Variants in DNA2 observed in about 807,000 individuals in gnomAD.
DNA2 encodes DNA replication ATP-dependent helicase/nuclease DNA2.
A neutral mutation model predicts 119.1 loss-of-function variants in DNA2; 101 were observed. The ratio of observed to expected loss-of-function variants is 0.85; its 90% CI spans 0.72 to 1.00. The LOEUF is 1.00. Ranked by LOEUF, DNA2 falls within the 50% of genes least tolerant of loss-of-function variation. DNA2 has a pLI of 0.00. For synonymous variants in DNA2, 366 were observed against 424.4 expected (o/e 0.86, Z 1.69); for missense variants, 1,121 against 1,255.5 (o/e 0.89, Z 1.62).
intron 5 of DNA2, among the ~76,000 whole-genome samples, chr10:68,457,070 G>C (rs1370695643): frequency 3.3e-5 from 5 of 151,156 alleles, no homozygotes; most frequent in African/African-American, 1.2e-4. Flanking sequence ...GGAGGCGGAG[G>C]TTGCAGTGAG....
chr10:68,468,364 G>C, intron 2 of DNA2, 58 bp from the exon 3 acceptor site: 2 of 1,125,320 alleles, frequency 1.8e-6, no homozygotes, highest in Non-Finnish European at 2.3e-6. Context: ...ACATGTAAAC[G>C]TATTAGGGAG....
At chr10:68,464,288 G>A (rs902653396) in intron 4 of DNA2, among the ~76,000 whole-genome samples, 1 of 151,900 alleles carries the variant, frequency 6.6e-6, no homozygotes, top group Non-Finnish European at 1.5e-5. Flanking sequence ...CAAGGTGGGT[G>A]GATCACTTGA....
intron 6 of DNA2, among the ~76,000 whole-genome samples, chr10:68,447,978 T>A (rs572227053): frequency 2.4e-3 from 93 of 38,420 alleles, no homozygotes; most frequent in African/African-American, 0.011. Flanking sequence ...TGAGACTCCG[T>A]CTCAAAAAAA....
chr10:68,450,556 T>A (rs1307157890), intron 5 of DNA2, among the ~76,000 whole-genome samples: 1 of 152,168 alleles, frequency 6.6e-6, no homozygotes, highest in African/African-American at 2.4e-5. Flanking sequence ...AGAACCACTG[T>A]TCTACGGGCT....
At chr10:68,418,269 C>T (rs2051617630) in intron 19 of DNA2, among the ~76,000 whole-genome samples, 1 of 151,838 alleles carries the variant, frequency 6.6e-6, no homozygotes, top group African/African-American at 2.4e-5. Flanking sequence ...AAAAATTAGC[C>T]GGGCAAGATG....
At position 68,471,734 on chromosome 10, in the gene DNA2, C is replaced by T; in HGVS notation, c.74+57G>A. On this transcript the variant is annotated intron_variant, in intron 1 of 20. Transcript: ENST00000358410. ...GAGGCGGTGCGGACGCAGCCTCTCC[C>T]GCTCCTTCTTTCAAATCTCCCGCTT... is the stretch of plus-strand genomic sequence containing the variant. The T allele has an allele frequency of 4.0e-6, 6 of 1,503,156 alleles. No individual in the cohort carries two copies. The South Asian group carries it at 4.1e-5, about 10-fold the overall frequency. The allele number at this position is 1,503,156 out of a possible 1,614,324, so 93.1% of individuals were successfully genotyped here. A position where few individuals can be genotyped will look rare whatever the true frequency, so the allele number is the denominator to read the frequency against.
intron 3 of DNA2, among the ~76,000 whole-genome samples, 159 bp from the exon 4 acceptor site, chr10:68,465,971 A>G (rs2052322243): frequency 6.6e-6 from 1 of 152,108 alleles, no homozygotes. Flanking sequence ...ATTATAAGTG[A>G]CTTTCACTTT....
intron 17 of DNA2, 96 bp from the exon 18 acceptor site, chr10:68,419,988 A>G: frequency 1.1e-6 from 1 of 910,590 alleles, no homozygotes; most frequent in East Asian, 2.5e-5. Context: ...CGACTTGGAG[A>G]TGAAAAATAG....
chr10:68,451,955 T>A (rs1047650449), intron 5 of DNA2, among the ~76,000 whole-genome samples: 1 of 150,286 alleles, frequency 6.7e-6, no homozygotes, highest in Non-Finnish European at 1.5e-5. Flanking sequence ...TCTTAAATAA[T>A]TTTTTATAAA....
Position 68,435,458 on chromosome 10 carries a change from T to C in DNA2, c.1646+1553A>G, listed in dbSNP as rs569818254. ...ATTAATAGTAGAATATACATACACA[T>C]ATATATATATATTTTTAGACAGAGT... On this transcript the variant is annotated intron_variant, in intron 10 of 20. Coordinates refer to ENST00000358410, the MANE Select transcript of DNA2 (RefSeq NM_001080449.3). Among the ~76,000 whole-genome samples, 143 of 135,024 alleles carry C rather than the reference T, an allele frequency of 1.1e-3. 1 individual carries two copies. Among genetic ancestry groups the C allele is most frequent in the Non-Finnish European group, 1.8e-3 (110 of 62,236 alleles). The allele number at this position is 135,024 out of a possible 152,430, so 88.6% of individuals were successfully genotyped here.
chr10:68,469,707 C>G (rs531252324), intron 2 of DNA2, among the ~76,000 whole-genome samples: 1 of 152,100 alleles, frequency 6.6e-6, no homozygotes, highest in South Asian at 2.1e-4. Flanking sequence ...TGAGGTGATC[C>G]GCCTGCCTTG....
chr10:68,430,465 C>T lies in DNA2; in HGVS notation c.2179G>A (p.Ala727Thr). 6.2e-7 allele frequency: 1 copy of T among 1,608,260 alleles called. No individual in the cohort carries two copies. The highest frequency in any genetic ancestry group is 8.5e-7 in the Non-Finnish European group (1 of 1,176,942). Reference sequence around the variant, plus strand: ...CTATTGTAGAGTTCTTCTAGAAGAGCTAAGGATTTAATGGACTTTGATCTG... The same window carrying T: ...CTATTGTAGAGTTCTTCTAGAAGAGTTAAGGATTTAATGGACTTTGATCTG... ...ICRSKSIKSL[A>T]LLEELYNSQL... The change falls in exon 14 of 21, where the codon GCT becomes ACT. Residue 727 changes from alanine (A) to threonine (T), a missense_variant. By Grantham distance (58) the Ala-to-Thr change is moderately conservative. Transcript: ENST00000358410.
At chr10:68,418,825 A>C (rs900875787) in intron 19 of DNA2, among the ~76,000 whole-genome samples, 1 of 151,838 alleles carries the variant, frequency 6.6e-6, no homozygotes, top group Non-Finnish European at 1.5e-5. Context: ...GGCGCCTGCC[A>C]CCACGCCCGG....
intron 9 of DNA2, among the ~76,000 whole-genome samples, chr10:68,441,303 C>T (rs1369834280): frequency 6.8e-6 from 1 of 147,840 alleles, no homozygotes; most frequent in African/African-American, 2.5e-5. Context: ...CACTATACTC[C>T]AGTCAGGGCA....
intron 6 of DNA2, among the ~76,000 whole-genome samples, chr10:68,448,967 G>GCA (rs2052079954): frequency 2.1e-5 from 2 of 94,344 alleles, no homozygotes; most frequent in African/African-American, 5.4e-5. Context: ...GTGTGTGTGT[G>GCA]CGTGTGTGTG....
chr10:68,471,700 G>A, intron 1 of DNA2, 91 bp downstream of exon 1: 2 of 1,425,220 alleles, frequency 1.4e-6, no homozygotes, highest in Non-Finnish European at 1.8e-6. Flanking sequence ...CCCCGGGCCC[G>A]GTCAGTCTGA....
At chr10:68,436,332 T>C (rs944475613) in intron 10 of DNA2, among the ~76,000 whole-genome samples, 1 of 152,196 alleles carries the variant, frequency 6.6e-6, no homozygotes, top group Admixed American at 6.5e-5. Flanking sequence ...AGGTCACGTA[T>C]TGTATGGTTC....
At chr10:68,436,579 A>G (rs2051890820) in intron 10 of DNA2, among the ~76,000 whole-genome samples, 1 of 152,238 alleles carries the variant, frequency 6.6e-6, no homozygotes, top group African/African-American at 2.4e-5. Context: ...CAATTTTGTT[A>G]TATGAATTTT....
Position 68,430,562 on chromosome 10 carries a change from T to C in DNA2, c.2082A>G (p.Ile694Met), listed in dbSNP as rs1178934359. 5 of 1,609,406 alleles carry C rather than the reference T, an allele frequency of 3.1e-6. No individual in the cohort carries two copies. The highest frequency in any genetic ancestry group is 1.3e-5 in the African/African-American group (1 of 75,008). ...GAATCTGACCCAAACGCAAAAATCC[T>C]ATTTTAAACTTGGCTAACTTCAAAA... is the stretch of plus-strand genomic sequence containing the variant. ...NILLKLAKFK[I>M]GFLRLGQIQK... is the part of the protein sequence containing the mutation. Residue 694 changes from isoleucine (I) to methionine (M), a missense_variant, in exon 14 of 21, where the codon ATA becomes ATG. Coordinates refer to ENST00000358410, the MANE Select transcript of DNA2 (RefSeq NM_001080449.3).
Sources: gnomAD v4.1 joint callset for allele counts (sites outside exome capture counted in the v4.1 genomes callset) on GRCh38, gnomAD v4.1.1 for gene constraint, MANE v1.5 for transcripts, NCBI Gene and HGNC (gene_info 2026-07-23, HGNC 2026-07-21) for gene names.